Variants in PDK3 observed in about 807,000 individuals in gnomAD.
The protein encoded by PDK3 is pyruvate dehydrogenase kinase 3, also known as pyruvate dehydrogenase kinase, isozyme 3.
Under a neutral mutation model 32.0 loss-of-function variants are expected in PDK3, and 12 were observed. That is an observed-to-expected ratio of 0.37 (90% CI 0.24 to 0.61). The LOEUF (loss-of-function observed/expected upper bound fraction) is 0.61, where lower values mean the gene tolerates loss of function less well. PDK3 is among the 20% of genes least tolerant of loss of function. The pLI, the probability that PDK3 is intolerant of heterozygous loss-of-function variation, is 0.65. For missense variants in PDK3, 188 were observed against 316.9 expected, an observed-to-expected ratio of 0.59 and a Z score of 3.09; for synonymous variants, 122 against 116.3, an observed-to-expected ratio of 1.05 and a Z score of -0.31.
intron 1 of PDK3, among the ~76,000 whole-genome samples, chrX:24,484,161 G>A (rs936201132): frequency 9.1e-6 from 1 of 110,272 alleles, no homozygotes; most frequent in Non-Finnish European, 1.9e-5. Flanking sequence ...ACAGGCACGT[G>A]CCACCATAGC....
chrX:24,469,376 G>A (rs535372862), intron 1 of PDK3, among the ~76,000 whole-genome samples: 1 of 110,108 alleles, frequency 9.1e-6, no homozygotes, highest in South Asian at 3.8e-4. Flanking sequence ...GTTTTCCTAT[G>A]CCTTCACCAC....
intron 1 of PDK3, among the ~76,000 whole-genome samples, chrX:24,491,649 G>A (rs5943801): frequency 5.3e-3 from 588 of 111,073 alleles, no homozygotes; most frequent in Non-Finnish European, 9.0e-3. Flanking sequence ...CCAAAGTCGA[G>A]GCCTAGTCAG....
chrX:24,540,948 C>T lies in PDK3; in HGVS notation c.*1784C>T, dbSNP rs1345425034. Among the ~76,000 whole-genome samples, 4 of 77,582 alleles carry T rather than the reference C, an allele frequency of 5.2e-5. No homozygotes were observed. The Admixed American group carries it at 5.9e-4, about 11-fold the overall frequency. The allele number at this position is 77,582 out of a possible 115,157, so 67.4% of individuals were successfully genotyped here. A position where few individuals can be genotyped will look rare whatever the true frequency, so the allele number is the denominator to read the frequency against. On this transcript the variant is annotated 3_prime_UTR_variant, in exon 12 of 12. Transcript: ENST00000568479. ...TTTTTGAGACACAGTTTCACTCTGTCCCCTAGGCTGGAGTGCAGTGGCACC... is the reference window on the plus strand; with the variant it reads ...TTTTTGAGACACAGTTTCACTCTGTTCCCTAGGCTGGAGTGCAGTGGCACC...
exon 12 of PDK3, among the ~76,000 whole-genome samples, chrX:24,542,194 A>C (rs1020407982): frequency 8.9e-6 from 1 of 112,217 alleles, no homozygotes; most frequent in Non-Finnish European, 1.9e-5. Context: ...AAGGAAGTGG[A>C]GGGATAGATC....
chrX:24,507,218 T>C (rs1360298905), intron 5 of PDK3, among the ~76,000 whole-genome samples: 1 of 111,820 alleles, frequency 8.9e-6, no homozygotes, highest in East Asian at 2.8e-4. Flanking sequence ...TCTGACTCTG[T>C]ATAGATTTTC....
chrX:24,511,132 C>G (rs1310435081), intron 5 of PDK3, among the ~76,000 whole-genome samples: 1 of 112,359 alleles, frequency 8.9e-6, no homozygotes, highest in Non-Finnish European at 1.9e-5. Context: ...CAGAAGGTCT[C>G]AAGAGGCCCA....
At chrX:24,473,141 C>T (rs1696870735) in intron 1 of PDK3, among the ~76,000 whole-genome samples, 1 of 107,668 alleles carries the variant, frequency 9.3e-6, no homozygotes, top group South Asian at 4.3e-4. Flanking sequence ...TTTGGGAGGC[C>T]GAGGTGGGTG....
exon 12 of PDK3, among the ~76,000 whole-genome samples, chrX:24,540,889 CTTTTTTTTTTTTTTTTT>C (rs369307335): frequency 2.5e-4 from 9 of 36,676 alleles, no homozygotes; most frequent in Admixed American, 4.7e-4. Flanking sequence ...CCCTAGCTTC[CTTTTTTTTTTTTTTTTT>C]TTTTTTTTTT....
chrX:24,535,377 C>T (rs962167736), downstream of PDK3, among the ~76,000 whole-genome samples: 3 of 109,581 alleles, frequency 2.7e-5, no homozygotes, highest in Admixed American at 9.7e-5. Flanking sequence ...TGGTGGCACA[C>T]GCCTGTAATT....
At chrX:24,491,315 C>G (rs1921555645) in intron 1 of PDK3, among the ~76,000 whole-genome samples, 1 of 108,871 alleles carries the variant, frequency 9.2e-6, no homozygotes, top group South Asian at 4.0e-4. Flanking sequence ...AAAAAATTAT[C>G]TGATACTTGT....
At chrX:24,474,381 TA>T (rs1921052535) in intron 1 of PDK3, among the ~76,000 whole-genome samples, 2 of 98,259 alleles carry the variant, frequency 2.0e-5, no homozygotes, top group African/African-American at 7.5e-5. Context: ...TATATAAGTT[TA>T]TTTTATTTAT....
intron 1 of PDK3, among the ~76,000 whole-genome samples, chrX:24,474,382 A>G (rs866672631): frequency 2.2e-5 from 2 of 90,745 alleles, no homozygotes; most frequent in African/African-American, 8.0e-5. Context: ...ATATAAGTTT[A>G]TTTTATTTAT....
intron 4 of PDK3, among the ~76,000 whole-genome samples, chrX:24,504,907 A>G (rs1285709679): frequency 8.9e-6 from 1 of 111,800 alleles, no homozygotes; most frequent in Non-Finnish European, 1.9e-5. Flanking sequence ...GATGAAAGTA[A>G]GTTTCTTCAT....
At chrX:24,525,988 A>C (rs971633320) in intron 6 of PDK3, among the ~76,000 whole-genome samples, 8 of 112,876 alleles carry the variant, frequency 7.1e-5, no homozygotes, top group African/African-American at 2.3e-4. Flanking sequence ...AAGGTCACAT[A>C]GCTGGTAAGT....
chrX:24,511,042 GA>G (rs1396272590), intron 5 of PDK3, among the ~76,000 whole-genome samples: 1 of 112,342 alleles, frequency 8.9e-6, no homozygotes, highest in Non-Finnish European at 1.9e-5. Context: ...GCCAAAGGTT[GA>G]AAGGCCTGAA....
At position 24,498,822 on chromosome X, in the gene PDK3, C is replaced by G; in HGVS notation, c.249-7C>G. The G allele has an allele frequency of 9.5e-7, 1 of 1,047,133 alleles. No individual in the cohort carries two copies. Among genetic ancestry groups the G allele is most frequent in the Non-Finnish European group, 1.3e-6 (1 of 778,206 alleles). 86.3% of individuals were successfully genotyped at this position (1,047,133 alleles called of 1,213,427 possible). A position where few individuals can be genotyped will look rare whatever the true frequency, so the allele number is the denominator to read the frequency against. ...CTCTTCTTTTTCTTTTTTTTTTTTC[C>G]TTTTAGGTATATGCAGAGTTTTCTT... On this transcript the variant is annotated splice_region_variant and splice_polypyrimidine_tract_variant and intron_variant, in intron 2 of 10. Coordinates refer to ENST00000379162, the MANE Select transcript of PDK3 (RefSeq NM_005391.5).
At position 24,498,220 on chromosome X, in the gene PDK3, GAT is replaced by G. The variant is rs1032118544; in HGVS notation, c.249-606_249-605del. Among the ~76,000 whole-genome samples the G allele has an allele frequency of 3.9e-4, 44 of 111,927 alleles. 1 individual carries two copies. The highest frequency in any genetic ancestry group is 1.4e-3 in the African/African-American group (44 of 30,741). On this transcript the variant is annotated intron_variant, in intron 2 of 10. Coordinates refer to ENST00000379162, the MANE Select transcript of PDK3 (RefSeq NM_005391.5). Reference sequence around the variant, plus strand: ...ACTGTAGACTTGGTATATAAGTTAGGATATGTCTGTTTGTAAGTAGAAAAAAT... The same window carrying G: ...ACTGTAGACTTGGTATATAAGTTAGGATGTCTGTTTGTAAGTAGAAAAAAT...
In PDK3 at chrX:24,465,302, T is replaced by C. The variant is rs1280422502; in HGVS notation, c.-154T>C. 8.6e-6 allele frequency: 3 copies of C among 346,835 alleles called. No individual in the cohort carries two copies. The highest frequency in any genetic ancestry group is 6.2e-5 in the South Asian group (1 of 16,047). 28.6% of individuals were successfully genotyped at this position (346,835 alleles called of 1,213,427 possible). A position where few individuals can be genotyped will look rare whatever the true frequency, so the allele number is the denominator to read the frequency against. ...CGGCCCGCCGCTGTCCTGGAGCTGC[T>C]GCTGCTGCTGCGGCGGCTGCACCGG... On this transcript the variant is annotated 5_prime_UTR_variant, in exon 1 of 11. Transcript: ENST00000379162.
chrX:24,469,850 A>G (rs765099926), intron 1 of PDK3, among the ~76,000 whole-genome samples: 1 of 112,143 alleles, frequency 8.9e-6, no homozygotes, highest in Non-Finnish European at 1.9e-5. Context: ...TGGGATACAT[A>G]TAGTTAAAAG....
Sources: gnomAD v4.1 joint callset for allele counts (sites outside exome capture counted in the v4.1 genomes callset) on GRCh38, gnomAD v4.1.1 for gene constraint, MANE v1.5 for transcripts, NCBI Gene and HGNC (gene_info 2026-07-23, HGNC 2026-07-21) for gene names.